Variants in KLF12 observed in about 807,000 individuals in gnomAD.
KLF12 encodes KLF transcription factor 12.
In KLF12, 9 loss-of-function variants were observed where a neutral mutation model predicts 37.8. That is an observed-to-expected ratio of 0.24 (90% CI 0.14 to 0.42). The LOEUF is 0.42. Ranked by LOEUF, KLF12 falls within the 10% of genes least tolerant of loss-of-function variation. KLF12 has a pLI of 1.00. For synonymous variants in KLF12, 208 were observed against 202.1 expected (o/e 1.03, Z -0.25); for missense variants, 411 against 516.0 (o/e 0.80, Z 1.97).
intron 6 of KLF12, among the ~76,000 whole-genome samples, chr13:73,737,879 G>A (rs1877571945): frequency 6.6e-6 from 1 of 151,618 alleles, no homozygotes; most frequent in South Asian, 2.1e-4. Flanking sequence ...AGACAAGATT[G>A]GCCAATTGCA....
chr13:74,187,509 C>T, the KLF12 span, among the ~76,000 whole-genome samples: 4 of 151,918 alleles, frequency 2.6e-5, no homozygotes, highest in African/African-American at 9.7e-5. Context: ...GTACAATTCT[C>T]GGTATATAGT....
At chr13:73,990,407 A>G (rs1272944807) in intron 2 of KLF12, among the ~76,000 whole-genome samples, 5 of 152,200 alleles carry the variant, frequency 3.3e-5, no homozygotes, top group Admixed American at 3.3e-4. Flanking sequence ...AACAAGAACA[A>G]GTGAAAAGAT....
At chr13:73,809,859 T>G (rs1192914316) in intron 5 of KLF12, among the ~76,000 whole-genome samples, 1 of 152,198 alleles carries the variant, frequency 6.6e-6, no homozygotes, top group Non-Finnish European at 1.5e-5. Context: ...AACACTGACA[T>G]GTAATGAATC....
the KLF12 span, among the ~76,000 whole-genome samples, chr13:74,183,678 G>A: frequency 0.012 from 1,770 of 152,280 alleles, 32 homozygotes; most frequent in African/African-American, 0.04. Flanking sequence ...GCTCACTCCT[G>A]TAATCCCAGC....
chr13:74,129,784 GAGCAATA>G (rs1878161971), intron 1 of KLF12, among the ~76,000 whole-genome samples: 1 of 151,724 alleles, frequency 6.6e-6, no homozygotes, highest in African/African-American at 2.4e-5. Flanking sequence ...AATTTTTATG[GAGCAATA>G]AGACTACTCA....
intron 4 of KLF12, among the ~76,000 whole-genome samples, chr13:73,843,623 A>C (rs1344226848): frequency 1.3e-5 from 2 of 152,062 alleles, no homozygotes; most frequent in Non-Finnish European, 2.9e-5. Flanking sequence ...TTATGTTCCT[A>C]ATCTTCCCAA....
rs1384831907 is a variant in KLF12 at position 73,893,249 on chromosome 13, T to C, written c.124-46876A>G. On this transcript the variant is annotated intron_variant, in intron 3 of 7. Coordinates refer to ENST00000377669, the MANE Select transcript of KLF12 (RefSeq NM_007249.5). ...CACAATCCATGTGATCTAATTTAATTATGTGTATGGTGTGGCTCTTCTCAT... is the reference window on the plus strand; with the variant it reads ...CACAATCCATGTGATCTAATTTAATCATGTGTATGGTGTGGCTCTTCTCAT... Among the ~76,000 whole-genome samples, 16 of 152,114 alleles carry C rather than the reference T, an allele frequency of 1.1e-4. 1 individual carries two copies. Among genetic ancestry groups the C allele is most frequent in the Admixed American group, 1.0e-3 (16 of 15,268 alleles).
chr13:74,195,256 G>A, the KLF12 span, among the ~76,000 whole-genome samples: 9 of 152,142 alleles, frequency 5.9e-5, no homozygotes, highest in Non-Finnish European at 1.3e-4. Context: ...GGAAAAGAAA[G>A]TTATTAAAGA....
intron 1 of KLF12, among the ~76,000 whole-genome samples, chr13:74,072,341 CTTT>C (rs931999471): frequency 9.1e-6 from 1 of 109,312 alleles, no homozygotes; most frequent in African/African-American, 3.2e-5. Flanking sequence ...TTTCCAAGAT[CTTT>C]TTAAGAATTA....
the KLF12 span, among the ~76,000 whole-genome samples, chr13:74,184,325 G>T: frequency 1.3e-5 from 2 of 152,126 alleles, no homozygotes; most frequent in Admixed American, 6.5e-5. Context: ...ATCTCAGTCT[G>T]CCTAGAGCTC....
chr13:73,811,044 G>C (rs182908665), intron 5 of KLF12, among the ~76,000 whole-genome samples: 189 of 120,614 alleles, frequency 1.6e-3, no homozygotes, highest in African/African-American at 5.6e-3. Context: ...GGAGTACAGT[G>C]ATGTGATCTC....
chr13:73,701,100 G>A (rs964899532), intron 7 of KLF12, among the ~76,000 whole-genome samples: 3 of 152,056 alleles, frequency 2.0e-5, no homozygotes, highest in Non-Finnish European at 4.4e-5. Context: ...TTTTTAAGAA[G>A]TCAGCAGCAG....
intron 5 of KLF12, among the ~76,000 whole-genome samples, chr13:73,777,525 A>T (rs1393686242): frequency 1.3e-5 from 2 of 152,238 alleles, no homozygotes; most frequent in Admixed American, 6.5e-5. Context: ...CCTGACCAAC[A>T]TGGAGAAACC....
chr13:73,904,876 A>G (rs1249498447), intron 3 of KLF12, among the ~76,000 whole-genome samples: 1 of 151,692 alleles, frequency 6.6e-6, no homozygotes, highest in African/African-American at 2.4e-5. Context: ...GCAAGAATAC[A>G]CTGATCTCAG....
intron 5 of KLF12, among the ~76,000 whole-genome samples, chr13:73,810,992 T>C (rs1301134137): frequency 2.3e-5 from 3 of 131,444 alleles, no homozygotes; most frequent in South Asian, 2.7e-4. Context: ...CTTTTTTTTT[T>C]TTTTTTTTTT....
rs58892976 is a variant in KLF12, at chr13:74,011,239, C to CAAA, written c.-31-16189_-31-16187dup. ...CGATTTCAGAAAGCACAAGTCAGAGCAAAAAAAAAAAAAAAAAAGCCATGG... is the reference window on the plus strand; with the variant it reads ...CGATTTCAGAAAGCACAAGTCAGAGCAAAAAAAAAAAAAAAAAAAAAGCCATGG... On this transcript the variant is annotated intron_variant, in intron 1 of 7. Transcript: ENST00000377669. 2.2e-3 allele frequency among the ~76,000 whole-genome samples: 126 copies of CAAA among 56,082 alleles called. 3 individuals carry two copies. Among genetic ancestry groups the CAAA allele is most frequent in the African/African-American group, 5.7e-3 (100 of 17,662 alleles). The allele number at this position is 56,082 out of a possible 152,430, so 36.8% of individuals were successfully genotyped here. A position where few individuals can be genotyped will look rare whatever the true frequency, so the allele number is the denominator to read the frequency against.
chr13:73,836,732 T>C (rs1228415546), intron 4 of KLF12, among the ~76,000 whole-genome samples: 4 of 152,140 alleles, frequency 2.6e-5, no homozygotes, highest in Non-Finnish European at 4.4e-5. Context: ...ATAAAAGATA[T>C]TACACATCAA....
intron 3 of KLF12, among the ~76,000 whole-genome samples, chr13:73,912,811 T>C (rs1888634635): frequency 6.6e-6 from 1 of 152,188 alleles, no homozygotes; most frequent in South Asian, 2.1e-4. Flanking sequence ...ACAACTTGGC[T>C]TTTTATCTCT....
rs886323339 is a variant in KLF12, at chr13:73,688,780, G to A, written c.*6710C>T. 1 of 152,162 alleles carries A rather than the reference G, an allele frequency of 6.6e-6. No homozygotes were observed. Among genetic ancestry groups the A allele is most frequent in the African/African-American group, 2.4e-5 (1 of 41,424 alleles). The allele number at this position is 152,162 out of a possible 1,614,324, so 9.4% of individuals were successfully genotyped here. A position where few individuals can be genotyped will look rare whatever the true frequency, so the allele number is the denominator to read the frequency against. The stretch of plus-strand genomic sequence containing the variant: ...CTTGAAAAATATGATGACTACTCAT[G>A]CATGTTGTCCATAATAAAATTACTG... On this transcript the variant is annotated 3_prime_UTR_variant, in exon 8 of 8. Transcript: ENST00000377669.
Sources: allele counts gnomAD v4.1 joint callset (sites outside exome capture counted in the v4.1 genomes callset), GRCh38; gene constraint gnomAD v4.1.1; transcripts MANE v1.5; gene names NCBI Gene and HGNC (gene_info 2026-07-23, HGNC 2026-07-21).